SLC17A8: variants seen among roughly 807,000 people sequenced by gnomAD.
The protein encoded by SLC17A8 is vesicular glutamate transporter 3.
Under a neutral mutation model 58.0 loss-of-function variants are expected in SLC17A8, and 31 were observed. That is an observed-to-expected ratio of 0.53 (90% CI 0.40 to 0.72). The LOEUF is 0.72. Ranked by LOEUF, SLC17A8 falls within the 30% of genes least tolerant of loss-of-function variation. The pLI is 0.00. For missense variants in SLC17A8, 655 were observed against 727.8 expected, an observed-to-expected ratio of 0.90 and a Z score of 1.15; for synonymous variants, 228 against 249.0, an observed-to-expected ratio of 0.92 and a Z score of 0.79.
chr12:100,418,127 C>A lies in SLC17A8; in HGVS notation c.1396C>A (p.Leu466Ile), dbSNP rs201180712. The change falls in exon 11 of 12, where the codon CTC becomes ATC. Residue 466 changes from leucine (L) to isoleucine (I), a missense_variant. Physicochemically the swap from Leu to Ile is conservative, Grantham distance 5. Coordinates refer to ENST00000323346, the MANE Select transcript of SLC17A8 (RefSeq NM_139319.3). ...AACCCTCTCTGGAATGGTCTGTCCC[C>A]TCATTGTCGGTGCAATGACCAGGCA... ...VGTLSGMVCP[L>I]IVGAMTRHKT... The A allele has an allele frequency of 6.9e-5, 111 of 1,614,006 alleles. No homozygotes were observed. Among genetic ancestry groups the A allele is most frequent in the Admixed American group, 1.8e-4 (11 of 60,002 alleles).
chr12:100,375,728 A>G (rs1466595805), intron 1 of SLC17A8, among the ~76,000 whole-genome samples: 1 of 152,236 alleles, frequency 6.6e-6, no homozygotes, highest in Non-Finnish European at 1.5e-5. Flanking sequence ...ATTAATAGCA[A>G]TAGTGATAGT....
At chr12:100,373,835 C>T (rs998391926) in intron 1 of SLC17A8, among the ~76,000 whole-genome samples, 5 of 152,006 alleles carry the variant, frequency 3.3e-5, no homozygotes, top group Admixed American at 6.6e-5. Context: ...GTGATCCTCT[C>T]GCCTCAGCCT....
chr12:100,357,339 A>G lies in SLC17A8; in HGVS notation c.-53A>G. On this transcript the variant is annotated 5_prime_UTR_variant, in exon 1 of 12. The change abolishes an upstream ATG in the 5' untranslated region. Transcript: ENST00000323346. ...GTTCTCACACTGGAAATGAGGAAGG[A>G]TGACAGTTTTTGAGACTGACTGTTA... The G allele has an allele frequency of 1.0e-6, 1 of 996,604 alleles. No individual in the cohort carries two copies. Among genetic ancestry groups the G allele is most frequent in the South Asian group, 1.3e-5 (1 of 78,558 alleles). 61.7% of individuals were successfully genotyped at this position (996,604 alleles called of 1,614,324 possible).
At chr12:100,397,006 A>C (rs1474503062) in intron 5 of SLC17A8, among the ~76,000 whole-genome samples, 2 of 152,096 alleles carry the variant, frequency 1.3e-5, no homozygotes, top group East Asian at 1.9e-4. Flanking sequence ...GGAAAACAAA[A>C]GCTTTCCCAA....
At chr12:100,415,087 G>A (rs1027876806) in intron 10 of SLC17A8, among the ~76,000 whole-genome samples, 2 of 152,210 alleles carry the variant, frequency 1.3e-5, no homozygotes, top group Middle Eastern at 6.8e-3. Flanking sequence ...CCTTTCCCCC[G>A]ATTGCCAATT....
chr12:100,367,219 ATAAGT>A (rs1414809919), intron 1 of SLC17A8, among the ~76,000 whole-genome samples: 1 of 152,218 alleles, frequency 6.6e-6, no homozygotes, highest in Non-Finnish European at 1.5e-5. Flanking sequence ...TTTAAAGAAA[ATAAGT>A]TAAAGAGAGA....
intron 10 of SLC17A8, among the ~76,000 whole-genome samples, chr12:100,416,740 C>T (rs975846538): frequency 2.6e-5 from 4 of 152,192 alleles, no homozygotes; most frequent in Non-Finnish European, 5.9e-5. Flanking sequence ...GGCTAACCAC[C>T]TGTAAAGAGC....
chr12:100,380,666 G>T (rs746916761), intron 1 of SLC17A8, 35 bp from the exon 2 acceptor site: 2 of 1,611,460 alleles, frequency 1.2e-6, no homozygotes, highest in Admixed American at 1.7e-5. Flanking sequence ...TTTAATCCTG[G>T]CTTTTATTTT....
intron 4 of SLC17A8, among the ~76,000 whole-genome samples, chr12:100,395,666 G>A (rs1252354974): frequency 6.6e-6 from 1 of 151,216 alleles, no homozygotes; most frequent in Non-Finnish European, 1.5e-5. Context: ...AGGCTGAAGT[G>A]CAGTGGTGCA....
chr12:100,390,583 C>T (rs541290640), intron 2 of SLC17A8, among the ~76,000 whole-genome samples: 216 of 151,054 alleles, frequency 1.4e-3, no homozygotes, highest in African/African-American at 4.9e-3. Flanking sequence ...CTCCTGACCT[C>T]GTGATCCACC....
chr12:100,386,407 T>C (rs544310703), intron 2 of SLC17A8, among the ~76,000 whole-genome samples: 1 of 152,204 alleles, frequency 6.6e-6, no homozygotes, highest in South Asian at 2.1e-4. Flanking sequence ...AGCAGATCTC[T>C]AGAGCGTGTT....
In SLC17A8 at chr12:100,380,727, A is replaced by G; in HGVS notation, c.128A>G (p.Glu43Gly). The change falls in exon 2 of 12, where the codon GAA (glutamate) becomes GGA (glycine). Residue 43 changes from glutamate (E) to glycine (G), a missense_variant. Transcript: ENST00000323346. ...AAAATCGATGGGACAACTGAGGAAG[A>G]AGATAACATTGAGCTGAATGAAGAA... ...QRKIDGTTEE[E>G]DNIELNEEGR... The G allele has an allele frequency of 6.2e-7, 1 of 1,614,088 alleles. No homozygotes were observed. Among genetic ancestry groups the G allele is most frequent in the South Asian group, 1.1e-5 (1 of 91,072 alleles).
At chr12:100,392,163 G>A (rs1431889834) in intron 3 of SLC17A8, among the ~76,000 whole-genome samples, 2 of 151,836 alleles carry the variant, frequency 1.3e-5, no homozygotes, top group African/African-American at 4.8e-5. Flanking sequence ...TTCCATAAAT[G>A]GATTTCATGA....
intron 2 of SLC17A8, among the ~76,000 whole-genome samples, chr12:100,383,871 TA>T (rs143253625): frequency 6.6e-5 from 10 of 151,976 alleles, no homozygotes; most frequent in Admixed American, 2.0e-4. Context: ...CTTAGCTAAT[TA>T]AAAAAAATTT....
chr12:100,370,520 C>T (rs1952551741), intron 1 of SLC17A8, among the ~76,000 whole-genome samples: 1 of 151,522 alleles, frequency 6.6e-6, no homozygotes. Context: ...TGGTCTTGAA[C>T]TCCTGACCTC....
intron 5 of SLC17A8, among the ~76,000 whole-genome samples, chr12:100,400,153 G>A (rs1952781332): frequency 6.6e-6 from 1 of 152,064 alleles, no homozygotes; most frequent in Admixed American, 6.6e-5. Context: ...CCTGTCCCAG[G>A]CATTCTTTTG....
At chr12:100,381,129 C>CCATCTCAG (rs59620980) in intron 2 of SLC17A8, among the ~76,000 whole-genome samples, 176 bp downstream of exon 2, 18 of 149,934 alleles carry the variant, frequency 1.2e-4, no homozygotes, top group Admixed American at 1.3e-4. Context: ...GTAGCTCCTC[C>CCATCTCAG]CATCTCAGCA....
Position 100,402,626 on chromosome 12 carries a change from A to G in SLC17A8, c.934A>G (p.Thr312Ala). The change falls in exon 8 of 12, where the codon ACA becomes GCA. Residue 312 changes from threonine to alanine, a missense_variant. Thr to Ala is a moderately conservative substitution (Grantham distance 58). Coordinates refer to ENST00000323346, the MANE Select transcript of SLC17A8 (RefSeq NM_139319.3). ...KFSTPWKRFFTSLPVYAIIVA... is the reference protein window; with the variant it reads ...KFSTPWKRFFASLPVYAIIVA... ...TAGTACCCCATGGAAAAGATTTTTCACATCTTTGCCGGTTTATGCAATCAT... is the reference window on the plus strand; with the variant it reads ...TAGTACCCCATGGAAAAGATTTTTCGCATCTTTGCCGGTTTATGCAATCAT... 6.2e-7 allele frequency: 1 copy of G among 1,614,052 alleles called. No individual in the cohort carries two copies. The highest frequency in any genetic ancestry group is 8.5e-7 in the Non-Finnish European group (1 of 1,179,984).
At chr12:100,366,323 A>G (rs796340939) in intron 1 of SLC17A8, among the ~76,000 whole-genome samples, 5 of 152,044 alleles carry the variant, frequency 3.3e-5, no homozygotes, top group Admixed American at 1.3e-4. Context: ...CTCTCTTCCA[A>G]TTATACATGT....
Sources: gnomAD v4.1 joint callset for allele counts (sites outside exome capture counted in the v4.1 genomes callset) on GRCh38, gnomAD v4.1.1 for gene constraint, MANE v1.5 for transcripts, NCBI Gene and HGNC (gene_info 2026-07-23, HGNC 2026-07-21) for gene names.